The following DENND5A variants were observed in gnomAD, a reference collection of about 807,000 sequenced individuals.
DENND5A encodes the protein DENN domain containing 5A.
A neutral mutation model predicts 140.3 loss-of-function variants in DENND5A; 64 were observed. The observed-to-expected ratio is 0.46, with a 90% confidence interval of 0.37 to 0.56. The LOEUF is 0.56. Ranked by LOEUF, DENND5A falls within the 20% of genes least tolerant of loss-of-function variation. The pLI, the probability that DENND5A is intolerant of heterozygous loss-of-function variation, is 0.00. For synonymous variants in DENND5A, 605 were observed against 607.7 expected, an observed-to-expected ratio of 1.00 and a Z score of 0.07; for missense variants, 1,292 against 1,593.8, an observed-to-expected ratio of 0.81 and a Z score of 3.22.
At chr11:9,199,217 G>A (rs1201858118) in intron 4 of DENND5A, among the ~76,000 whole-genome samples, 1 of 151,556 alleles carries the variant, frequency 6.6e-6, no homozygotes, top group Non-Finnish European at 1.5e-5. Flanking sequence ...TTTAAATAAG[G>A]CCAGGTGCAG....
In DENND5A at chr11:9,194,163, C is replaced by T. The variant is rs1254653396; in HGVS notation, c.950-482G>A. Among the ~76,000 whole-genome samples the T allele has an allele frequency of 2.6e-5, 4 of 152,174 alleles. No homozygotes were observed. The East Asian group carries it at 7.7e-4, about 29-fold the overall frequency. ...CTGCAAAGTCAAGCACAAAGAACCA[C>T]CAAGCATGCAGAAGCTGGTTTTCCA... On this transcript the variant is annotated intron_variant, in intron 4 of 22. Coordinates refer to ENST00000328194, the MANE Select transcript of DENND5A (RefSeq NM_015213.4).
chr11:9,184,309 C>T (rs1403369207), intron 5 of DENND5A, among the ~76,000 whole-genome samples: 4 of 151,552 alleles, frequency 2.6e-5, no homozygotes, highest in East Asian at 1.9e-4. Flanking sequence ...GCCAAGATCG[C>T]GCCACTGCAC....
At chr11:9,247,984 T>C (rs934305749) in intron 1 of DENND5A, among the ~76,000 whole-genome samples, 2 of 152,090 alleles carry the variant, frequency 1.3e-5, no homozygotes, top group Admixed American at 1.3e-4. Flanking sequence ...TGGTTATCTT[T>C]GGGTTGTTTT....
chr11:9,209,467 C>A (rs540039354), intron 1 of DENND5A, among the ~76,000 whole-genome samples: 65 of 152,318 alleles, frequency 4.3e-4, no homozygotes, highest in African/African-American at 1.5e-3. Flanking sequence ...GTTAGAGCCT[C>A]TGTCCCCACC....
chr11:9,265,049 T>A lies in DENND5A; in HGVS notation c.21A>T (p.Gly7=), dbSNP rs746743990. MSGGGG[G]GGSAPSRFAD... is the part of the protein sequence containing the mutation. ...CGAAGCGACTGGGCGCCGAGCCCCC[T>A]CCGCCGCCGCCGCCACTCATGGCGC... Residue 7 remains glycine (G), a synonymous_variant, in exon 1 of 23, where the codon GGA becomes GGT. Transcript: ENST00000328194. The surrounding 1 kb of genome is among the most constrained non-coding windows in gnomAD (Gnocchi z 4.7). 5 of 1,549,486 alleles carry A rather than the reference T, an allele frequency of 3.2e-6. No homozygotes were observed. Among genetic ancestry groups the A allele is most frequent in the East Asian group, 2.6e-5 (1 of 38,594 alleles).
intron 11 of DENND5A, 43 bp downstream of exon 11, chr11:9,165,793 T>G: frequency 6.2e-7 from 1 of 1,610,150 alleles, no homozygotes; most frequent in Non-Finnish European, 8.5e-7. Context: ...TTACCTTGGC[T>G]GCTAACAGAA....
At chr11:9,174,333 C>T (rs1308638273) in intron 8 of DENND5A, among the ~76,000 whole-genome samples, 1 of 151,390 alleles carries the variant, frequency 6.6e-6, no homozygotes, top group African/African-American at 2.4e-5. Flanking sequence ...AAATGCAAAA[C>T]CCAATTACAT....
intron 1 of DENND5A, among the ~76,000 whole-genome samples, chr11:9,257,797 C>CT (rs749671777): frequency 0.022 from 2,902 of 132,618 alleles, 37 homozygotes; most frequent in Middle Eastern, 0.034. Flanking sequence ...ACACAGTATT[C>CT]TTTTTTTTTT....
At position 9,147,137 on chromosome 11, in the gene DENND5A, C is replaced by A. The variant is rs763351875; in HGVS notation, c.2750G>T (p.Arg917Leu). 4 of 1,614,066 alleles carry A rather than the reference C, an allele frequency of 2.5e-6. No homozygotes were observed. The highest frequency in any genetic ancestry group is 3.4e-6 in the Non-Finnish European group (4 of 1,179,972). ...GTCATCACAGCGCAGGAAGGCATAG[C>A]GCTTATATAACTTTCTGTTGGAGAG... ...DHELTKKLYKRYAFLRCDDEK... is the reference protein window; with the variant it reads ...DHELTKKLYKLYAFLRCDDEK... Residue 917 changes from arginine to leucine, a missense_variant, in exon 16 of 23, where the codon CGC (arginine) becomes CTC (leucine). This residue lies in a region of DENND5A where 498 missense variants were observed against 689.7 expected (regional missense o/e 0.72). Transcript: ENST00000328194.
chr11:9,213,446 T>A (rs1849957572), intron 1 of DENND5A, among the ~76,000 whole-genome samples: 1 of 151,964 alleles, frequency 6.6e-6, no homozygotes, highest in Non-Finnish European at 1.5e-5. Flanking sequence ...ACCTTTTTTT[T>A]AATGGTTCTA....
intron 1 of DENND5A, among the ~76,000 whole-genome samples, chr11:9,228,576 C>T (rs1850629460): frequency 6.6e-6 from 1 of 151,958 alleles, no homozygotes; most frequent in South Asian, 2.1e-4. Context: ...TAGTGAAACC[C>T]CATTTCTATT....
chr11:9,256,414 T>A (rs1423871252), intron 1 of DENND5A, among the ~76,000 whole-genome samples: 3 of 151,814 alleles, frequency 2.0e-5, no homozygotes, highest in Non-Finnish European at 4.4e-5. Flanking sequence ...GAGCCGAGAT[T>A]GCGCCATTGC....
intron 1 of DENND5A, among the ~76,000 whole-genome samples, chr11:9,234,579 C>T (rs61877906): frequency 6.6e-6 from 1 of 152,218 alleles, no homozygotes. Context: ...CTCTGCAGCA[C>T]TGTGACATGT....
intron 1 of DENND5A, among the ~76,000 whole-genome samples, chr11:9,252,834 G>C (rs1851788032): frequency 6.7e-6 from 1 of 150,170 alleles, no homozygotes; most frequent in Non-Finnish European, 1.5e-5. Context: ...GTAATTCAAA[G>C]CCAGGGACAG....
intron 1 of DENND5A, among the ~76,000 whole-genome samples, chr11:9,261,111 A>G (rs981422339): frequency 6.6e-6 from 1 of 152,152 alleles, no homozygotes; most frequent in Non-Finnish European, 1.5e-5. Context: ...TCAGCCTCCC[A>G]AAGTACTGGG....
chr11:9,238,200 T>TA (rs1851083005), intron 1 of DENND5A, among the ~76,000 whole-genome samples: 1 of 152,134 alleles, frequency 6.6e-6, no homozygotes, highest in Non-Finnish European at 1.5e-5. Flanking sequence ...CACGATACAG[T>TA]ATCAAGAAAT....
At chr11:9,149,575 TGAA>T (rs1427168373) in intron 15 of DENND5A, among the ~76,000 whole-genome samples, 1 of 152,134 alleles carries the variant, frequency 6.6e-6, no homozygotes, top group African/African-American at 2.4e-5. Flanking sequence ...AACTGAGCCC[TGAA>T]GAAGTTTACC....
chr11:9,194,684 G>A (rs551005330), intron 4 of DENND5A, among the ~76,000 whole-genome samples: 1 of 151,812 alleles, frequency 6.6e-6, no homozygotes, highest in Non-Finnish European at 1.5e-5. Context: ...TCGTGGGCTT[G>A]TGATCATATT....
chr11:9,156,760 C>T (rs1847816091), intron 12 of DENND5A, among the ~76,000 whole-genome samples: 1 of 151,732 alleles, frequency 6.6e-6, no homozygotes, highest in African/African-American at 2.4e-5. Context: ...TGAGATCATA[C>T]CACTGCACTC....
Sources: gnomAD v4.1 joint callset for allele counts (sites outside exome capture counted in the v4.1 genomes callset) on GRCh38, gnomAD v4.1.1 for gene constraint, gnomAD v4.1.1 regional missense constraint, Gnocchi (gnomAD v3.1) non-coding constraint, MANE v1.5 for transcripts, NCBI Gene and HGNC (gene_info 2026-07-23, HGNC 2026-07-21) for gene names.